Variants in IQSEC1 observed in about 807,000 individuals in gnomAD.
IQSEC1 encodes IQ motif and SEC7 domain-containing protein 1.
Under a neutral mutation model 91.0 loss-of-function variants are expected in IQSEC1, and 31 were observed. The ratio of observed to expected loss-of-function variants is 0.34; its 90% confidence interval spans 0.26 to 0.46. IQSEC1 has a LOEUF of 0.46. IQSEC1 is among the 20% of genes least tolerant of loss of function. IQSEC1 has a pLI of 1.00. For missense variants in IQSEC1, 1,388 were observed against 1,575.6 expected, an observed-to-expected ratio of 0.88 and a Z score of 2.02; for synonymous variants, 699 against 662.6, an observed-to-expected ratio of 1.05 and a Z score of -0.84.
At chr3:13,097,538 T>C (rs360751) in intron 2 of IQSEC1, among the ~76,000 whole-genome samples, 116,688 of 152,136 alleles carry the variant, frequency 0.77, 45,040 homozygotes, top group East Asian at 0.89. Flanking sequence ...TCTTTCCATC[T>C]GTGAACCGGG....
chr3:12,935,587 A>C lies in IQSEC1; in HGVS notation c.1429T>G (p.Ser477Ala). 6.2e-7 allele frequency: 1 copy of C among 1,614,070 alleles called. No individual in the cohort carries two copies. Among genetic ancestry groups the C allele is most frequent in the Non-Finnish European group, 8.5e-7 (1 of 1,180,014 alleles). The change falls in exon 3 of 14, where the codon TCC (serine) becomes GCC (alanine). Residue 477 changes from serine to alanine, a missense_variant. Physicochemically the swap from Ser to Ala is moderately conservative, Grantham distance 99. Transcript: ENST00000613206. The surrounding 1 kb of genome is among the most constrained non-coding windows in gnomAD (Gnocchi z 8.0). ...GTCTGCTCCCGCAGGCTGTCACGGGACGATGACTCGGAGCTGCAGTTGATG... is the reference window on the plus strand; with the variant it reads ...GTCTGCTCCCGCAGGCTGTCACGGGCCGATGACTCGGAGCTGCAGTTGATG... ...DTINCSSESS[S>A]RDSLREQTLS...
In IQSEC1 at chr3:12,935,762, C is replaced by T. The variant is rs766460144; in HGVS notation, c.1254G>A (p.Arg418=). 6 of 1,608,576 alleles carry T rather than the reference C, an allele frequency of 3.7e-6. No individual in the cohort carries two copies. The East Asian group carries it at 1.3e-4, about 36-fold the overall frequency. The part of the protein sequence containing the change: ...PHSGAPKSLP[R]EEPELRPRPP... ...GCCGGGGCCGCAACTCAGGCTCCTCCCGGGGGAGGCTCTTGGGGGCGCCGC... is the reference window on the plus strand; with the variant it reads ...GCCGGGGCCGCAACTCAGGCTCCTCTCGGGGGAGGCTCTTGGGGGCGCCGC... The change falls in exon 3 of 14, where the codon CGG becomes CGA. Residue 418 remains arginine, a synonymous_variant. Coordinates refer to ENST00000613206, the MANE Select transcript of IQSEC1 (RefSeq NM_001134382.3). The surrounding 1 kb of genome is among the most constrained non-coding windows in gnomAD (Gnocchi z 8.0).
Position 13,155,219 on chromosome 3 carries a change from A to T in IQSEC1, c.302+8885T>A, listed in dbSNP as rs189362951. ...CCAAACAAAAGTTGGTTCTCCCAGA[A>T]GATTGACAAAATTGACGATTCACCA... On this transcript the variant is annotated intron_variant, in intron 2 of 15. Coordinates refer to the IQSEC1 transcript ENST00000648114. 5.1e-4 allele frequency among the ~76,000 whole-genome samples: 77 copies of T among 152,324 alleles called. 1 individual carries two copies. The highest frequency in any genetic ancestry group is 1.8e-3 in the African/African-American group (76 of 41,584).
intron 2 of IQSEC1, among the ~76,000 whole-genome samples, chr3:13,096,277 G>A (rs796806563): frequency 7.6e-4 from 116 of 152,344 alleles, no homozygotes; most frequent in African/African-American, 2.6e-3. Flanking sequence ...CTAGCTCTTG[G>A]GGAGCTCACA....
intron 1 of IQSEC1, among the ~76,000 whole-genome samples, chr3:13,050,216 C>T (rs1704645391): frequency 6.6e-6 from 1 of 152,178 alleles, no homozygotes; most frequent in South Asian, 2.1e-4. Context: ...AAGTTGTCTG[C>T]AGCCTTGTCC....
chr3:13,235,666 C>A (rs1001746087), intron 1 of IQSEC1, among the ~76,000 whole-genome samples: 30 of 152,166 alleles, frequency 2.0e-4, no homozygotes, highest in African/African-American at 1.4e-4. Context: ...GTGGCCCGGG[C>A]GGAGGAAGAA....
At chr3:12,963,538 G>T (rs562365221) in intron 1 of IQSEC1, among the ~76,000 whole-genome samples, 1 of 152,242 alleles carries the variant, frequency 6.6e-6, no homozygotes, top group Admixed American at 6.5e-5. Flanking sequence ...GCTACCATTT[G>T]TTGGGGATCT....
intron 12 of IQSEC1, among the ~76,000 whole-genome samples, chr3:12,906,593 G>T (rs1017474832): frequency 2.5e-4 from 38 of 152,206 alleles, no homozygotes; most frequent in Admixed American, 2.3e-3. Flanking sequence ...AGTCCCTATT[G>T]TCCGTCTGAG....
intron 1 of IQSEC1, among the ~76,000 whole-genome samples, chr3:13,062,452 G>C (rs1389451984): frequency 2.0e-5 from 3 of 152,202 alleles, no homozygotes; most frequent in Non-Finnish European, 2.9e-5. Context: ...AAGTCACACA[G>C]ACACTGGGCA....
chr3:13,122,562 G>A (rs1211116030), intron 2 of IQSEC1, among the ~76,000 whole-genome samples: 1 of 152,190 alleles, frequency 6.6e-6, no homozygotes. Flanking sequence ...CTCCACCCCA[G>A]GAGACACACG....
chr3:13,003,370 A>T (rs1419604316), intron 1 of IQSEC1, among the ~76,000 whole-genome samples: 4 of 152,154 alleles, frequency 2.6e-5, no homozygotes, highest in Non-Finnish European at 4.4e-5. Flanking sequence ...TAAGTGAATA[A>T]AGCTAGACAC....
intron 9 of IQSEC1, among the ~76,000 whole-genome samples, chr3:12,912,580 C>T (rs1311195327): frequency 3.4e-5 from 5 of 145,650 alleles, no homozygotes; most frequent in African/African-American, 7.6e-5. Flanking sequence ...AGGAGAATGG[C>T]GTGAACCCGG....
rs1693460357 is a variant in IQSEC1, at chr3:13,165,016, T to G, written c.273-883A>C. ...AGTCAGAGCACATGCTGCACGACCC[T>G]TCAGCATAGAAAGCCCCAGGGGATG... On this transcript the variant is annotated intron_variant, in intron 1 of 15. Coordinates refer to the IQSEC1 transcript ENST00000648114. 3.3e-5 allele frequency among the ~76,000 whole-genome samples: 5 copies of G among 152,208 alleles called. No homozygotes were observed. The South Asian group carries it at 1.0e-3, about 32-fold the overall frequency.
In IQSEC1 at chr3:13,081,818, C is replaced by A. The variant is rs557034708; in HGVS notation, c.303-34296G>T. On this transcript the variant is annotated intron_variant, in intron 2 of 15. Coordinates refer to the IQSEC1 transcript ENST00000648114. ...GGGCGGGTCTTCGCTCCTCTCTGAGCCTGCTTTCCCTCTCTAAGAATCTAT... is the reference window on the plus strand; with the variant it reads ...GGGCGGGTCTTCGCTCCTCTCTGAGACTGCTTTCCCTCTCTAAGAATCTAT... 2.2e-4 allele frequency among the ~76,000 whole-genome samples: 34 copies of A among 152,266 alleles called. No individual in the cohort carries two copies. The South Asian group carries it at 3.1e-3, about 14-fold the overall frequency.
intron 1 of IQSEC1, among the ~76,000 whole-genome samples, chr3:13,265,797 C>T: frequency 6.6e-6 from 1 of 151,476 alleles, no homozygotes; most frequent in Admixed American, 6.6e-5. Context: ...CACACTATTG[C>T]TTACCTCCTA....
At chr3:13,079,403 G>A (rs1280304498) in intron 2 of IQSEC1, among the ~76,000 whole-genome samples, 3 of 152,234 alleles carry the variant, frequency 2.0e-5, no homozygotes, top group Admixed American at 1.3e-4. Flanking sequence ...TGCCTTGGGC[G>A]GTGGTGGACA....
At chr3:13,161,497 G>T (rs1198561868) in intron 2 of IQSEC1, among the ~76,000 whole-genome samples, 1 of 152,172 alleles carries the variant, frequency 6.6e-6, no homozygotes, top group Non-Finnish European at 1.5e-5. Context: ...AGATCTGAAT[G>T]ATCTGGGACC....
Position 13,145,963 on chromosome 3 carries a change from C to T in IQSEC1, c.302+18141G>A, listed in dbSNP as rs529141620. On this transcript the variant is annotated intron_variant, in intron 2 of 15. Transcript: ENST00000648114. ...TGCATGAGCAGGAGGGAATCTCAGG[C>T]GGGTGCAGACCCTGCACTTTATGTT... is the stretch of plus-strand genomic sequence containing the variant. 2.6e-5 allele frequency among the ~76,000 whole-genome samples: 4 copies of T among 152,220 alleles called. No homozygotes were observed. In the East Asian group the frequency reaches 7.7e-4, roughly 29 times the overall value.
chr3:12,959,911 G>A (rs78758191), intron 1 of IQSEC1, among the ~76,000 whole-genome samples: 2,270 of 152,028 alleles, frequency 0.015, 63 homozygotes, highest in African/African-American at 0.052. Flanking sequence ...TTTTTACGAA[G>A]CACAAACAAA....
Sources: gnomAD v4.1 joint callset for allele counts (sites outside exome capture counted in the v4.1 genomes callset) on GRCh38, gnomAD v4.1.1 for gene constraint, Gnocchi (gnomAD v3.1) non-coding constraint, MANE v1.5 for transcripts, NCBI Gene and HGNC (gene_info 2026-07-23, HGNC 2026-07-21) for gene names.